PCDH15: variants seen among roughly 807,000 people sequenced by gnomAD.
PCDH15 encodes the protein protocadherin-15.
A neutral mutation model predicts 178.5 loss-of-function variants in PCDH15; 129 were observed. That is an observed-to-expected ratio of 0.72 (90% CI 0.63 to 0.84). The LOEUF is 0.84. PCDH15 is among the 40% of genes least tolerant of loss of function. The pLI, the probability that PCDH15 is intolerant of heterozygous loss-of-function variation, is 0.00. For missense variants in PCDH15, 2,230 were observed against 2,099.9 expected (o/e 1.06, Z -1.21); for synonymous variants, 800 against 732.0 (o/e 1.09, Z -1.50).
chr10:55,094,587 T>A (rs557821031), intron 2 of PCDH15, among the ~76,000 whole-genome samples: 5 of 152,052 alleles, frequency 3.3e-5, no homozygotes, highest in African/African-American at 1.2e-4. Flanking sequence ...AACCTGGAAA[T>A]AAGTAAGTTT....
At chr10:55,398,900 G>A (rs933704315) in intron 2 of PCDH15, among the ~76,000 whole-genome samples, 1 of 151,748 alleles carries the variant, frequency 6.6e-6, no homozygotes, top group Non-Finnish European at 1.5e-5. Flanking sequence ...CACTCTTATG[G>A]GATAAGAAAA....
chr10:53,822,781 C>A lies in PCDH15; in HGVS notation c.4368-2551G>T, dbSNP rs777414603. 1.4e-5 allele frequency: 23 copies of A among 1,614,068 alleles called. No homozygotes were observed. The highest frequency in any genetic ancestry group is 1.8e-5 in the Non-Finnish European group (21 of 1,179,964). ...GAGAGAGATTTCAACTGTTCTGTTC[C>A]TTCTATCATCAGTGTTTCACCTTGC... On this transcript the variant is annotated intron_variant, in intron 32 of 37. Coordinates refer to ENST00000644397, the MANE Select transcript of PCDH15 (RefSeq NM_001384140.1).
intron 1 of PCDH15, among the ~76,000 whole-genome samples, chr10:55,228,475 G>GA (rs942181596): frequency 1.3e-5 from 2 of 151,808 alleles, no homozygotes; most frequent in Non-Finnish European, 2.9e-5. Flanking sequence ...GTATTGCATT[G>GA]AAAAAAATTA....
chr10:55,561,869 T>C (rs913582986), intron 2 of PCDH15, among the ~76,000 whole-genome samples: 4 of 152,042 alleles, frequency 2.6e-5, no homozygotes, highest in African/African-American at 9.6e-5. Flanking sequence ...AGTCATAACA[T>C]TTGCTAGTAA....
chr10:55,120,160 G>A (rs1213313580), intron 2 of PCDH15, among the ~76,000 whole-genome samples: 3 of 151,894 alleles, frequency 2.0e-5, no homozygotes, highest in African/African-American at 7.3e-5. Context: ...TTGTGGAGGT[G>A]AATTAAACAA....
intron 18 of PCDH15, among the ~76,000 whole-genome samples, chr10:54,040,954 C>T (rs2093529782): frequency 6.6e-6 from 1 of 151,950 alleles, no homozygotes; most frequent in Non-Finnish European, 1.5e-5. Context: ...TAAATAGGCC[C>T]TTTTGGATCT....
chr10:55,040,060 A>G (rs1840827858), intron 2 of PCDH15, among the ~76,000 whole-genome samples: 1 of 152,066 alleles, frequency 6.6e-6, no homozygotes, highest in African/African-American at 2.4e-5. Flanking sequence ...GAAAAAATAT[A>G]TTAAATTATA....
intron 3 of PCDH15, among the ~76,000 whole-genome samples, chr10:54,880,913 A>G (rs1167378790): frequency 1.3e-5 from 2 of 151,768 alleles, no homozygotes; most frequent in Non-Finnish European, 2.9e-5. Context: ...AACAAATTAC[A>G]TTATGCCATC....
At chr10:55,520,349 T>TAC (rs1436130162) in intron 2 of PCDH15, among the ~76,000 whole-genome samples, 1 of 131,754 alleles carries the variant, frequency 7.6e-6, no homozygotes, top group Non-Finnish European at 1.6e-5. Context: ...TATATATATA[T>TAC]ACACATTGTC....
chr10:53,809,303 T>G (rs911086037), intron 37 of PCDH15: 1 of 1,613,972 alleles, frequency 6.2e-7, no homozygotes, highest in Non-Finnish European at 8.5e-7. Context: ...AGAGTGAGTT[T>G]CAAATAATCT....
At chr10:55,176,109 C>T (rs917155983) in intron 1 of PCDH15, among the ~76,000 whole-genome samples, 1 of 152,036 alleles carries the variant, frequency 6.6e-6, no homozygotes, top group Non-Finnish European at 1.5e-5. Flanking sequence ...CAGGGTGATT[C>T]TAGAGGTTGA....
intron 18 of PCDH15, among the ~76,000 whole-genome samples, chr10:54,065,870 T>C (rs1432233860): frequency 2.0e-5 from 3 of 152,242 alleles, no homozygotes; most frequent in Non-Finnish European, 4.4e-5. Context: ...TTAAAGGAGA[T>C]TGAGCTAAAA....
At chr10:54,774,727 C>T (rs989542724) in intron 1 of PCDH15, among the ~76,000 whole-genome samples, 8 of 152,082 alleles carry the variant, frequency 5.3e-5, no homozygotes, top group African/African-American at 1.9e-4. Flanking sequence ...ACCTAAATGT[C>T]AAAACTTAGC....
intron 1 of PCDH15, among the ~76,000 whole-genome samples, chr10:55,194,453 G>A (rs369765823): frequency 4.6e-5 from 7 of 151,970 alleles, no homozygotes; most frequent in Non-Finnish European, 8.8e-5. Context: ...AAGAAACAGA[G>A]GCATCAACAG....
chr10:54,255,150 T>G (rs1564799571), intron 8 of PCDH15, among the ~76,000 whole-genome samples: 1 of 152,182 alleles, frequency 6.6e-6, no homozygotes, highest in Non-Finnish European at 1.5e-5. Flanking sequence ...ACTTTTTTTA[T>G]GTACAAAAAA....
rs1340417549 is a variant in PCDH15, at chr10:54,350,841, C to T, written c.475-4357G>A. Among the ~76,000 whole-genome samples, 8 of 152,142 alleles carry T rather than the reference C, an allele frequency of 5.3e-5. No homozygotes were observed. The East Asian group carries it at 7.8e-4, about 15-fold the overall frequency. On this transcript the variant is annotated intron_variant, in intron 5 of 37. Coordinates refer to ENST00000644397, the MANE Select transcript of PCDH15 (RefSeq NM_001384140.1). The stretch of plus-strand genomic sequence containing the variant: ...TAATAGGCCTGGACACGGTGGCTAA[C>T]GCCTGTAATCCCAACAATTTGGGAG...
At chr10:54,485,846 C>T (rs1370508521) in intron 3 of PCDH15, among the ~76,000 whole-genome samples, 1 of 151,996 alleles carries the variant, frequency 6.6e-6, no homozygotes, top group Non-Finnish European at 1.5e-5. Context: ...CGAGGCATAG[C>T]CTGGCAACAA....
At chr10:55,376,573 T>G (rs567087675) in intron 2 of PCDH15, among the ~76,000 whole-genome samples, 3 of 152,236 alleles carry the variant, frequency 2.0e-5, no homozygotes, top group Non-Finnish European at 4.4e-5. Flanking sequence ...TTAGCTTTGA[T>G]TATTGAAGAA....
chr10:55,234,337 T>A (rs890258347), intron 1 of PCDH15, among the ~76,000 whole-genome samples: 3 of 151,838 alleles, frequency 2.0e-5, no homozygotes, highest in African/African-American at 7.3e-5. Flanking sequence ...ATATTTAAAT[T>A]AAAAAAAATT....
Sources: allele counts gnomAD v4.1 joint callset (sites outside exome capture counted in the v4.1 genomes callset), GRCh38; gene constraint gnomAD v4.1.1; transcripts MANE v1.5; gene names NCBI Gene and HGNC (gene_info 2026-07-23, HGNC 2026-07-21).